Variants in C2orf66 observed in about 807,000 individuals in gnomAD.
C2orf66 encodes chromosome 2 open reading frame 66.
In C2orf66, 6 loss-of-function variants were observed where a neutral mutation model predicts 7.0. The ratio of observed to expected loss-of-function variants is 0.86; its 90% CI spans 0.47 to 1.69. The LOEUF is 1.69. Among genes scored for constraint, C2orf66 ranks in the 40% most tolerant of loss-of-function variants. C2orf66 has a pLI of 0.01. For synonymous variants in C2orf66, 38 were observed against 43.8 expected (o/e 0.87, Z 0.52); for missense variants, 107 against 112.0 (o/e 0.96, Z 0.20).
intron 2 of C2orf66, 125 bp downstream of exon 2, chr2:196,807,299 G>A (rs1699828842): frequency 1.2e-5 from 7 of 607,032 alleles, no homozygotes; most frequent in Non-Finnish European, 2.0e-5. Flanking sequence ...ATGAGTATAA[G>A]CAGAACTGAG....
intron 1 of C2orf66, among the ~76,000 whole-genome samples, chr2:196,808,990 A>C (rs1392991716): frequency 6.6e-6 from 1 of 152,240 alleles, no homozygotes; most frequent in East Asian, 1.9e-4. Context: ...ATTGTTTCTA[A>C]ATATAAATTT....
chr2:196,809,540 G>T, upstream of C2orf66: 1 of 583,988 alleles, frequency 1.7e-6, no homozygotes, highest in Non-Finnish European at 3.0e-6. Context: ...CAACTGATTA[G>T]CTTAAAGTAG....
the C2orf66 span, among the ~76,000 whole-genome samples, chr2:196,817,943 T>C: frequency 4.6e-5 from 7 of 152,202 alleles, no homozygotes; most frequent in African/African-American, 7.2e-5. Context: ...TCAAGGTGCA[T>C]TGATTTCATA....
chr2:196,821,174 A>G, the C2orf66 span, among the ~76,000 whole-genome samples: 1 of 152,248 alleles, frequency 6.6e-6, no homozygotes, highest in Non-Finnish European at 1.5e-5. Context: ...AGAAGCTGGA[A>G]GAGGAAGGGA....
the C2orf66 span, among the ~76,000 whole-genome samples, chr2:196,822,001 C>T: frequency 2.9e-5 from 4 of 138,422 alleles, no homozygotes; most frequent in South Asian, 2.3e-4. Context: ...CTGCAACCTC[C>T]GCTCCTGGAT....
chr2:196,830,642 G>A, the C2orf66 span, among the ~76,000 whole-genome samples: 3 of 152,296 alleles, frequency 2.0e-5, no homozygotes, highest in Admixed American at 6.5e-5. Flanking sequence ...TTGCGTAAGC[G>A]TGAACATGCT....
the C2orf66 span, among the ~76,000 whole-genome samples, chr2:196,824,951 G>A: frequency 6.6e-6 from 1 of 151,990 alleles, no homozygotes; most frequent in African/African-American, 2.4e-5. Flanking sequence ...ATGGGTAAAG[G>A]GGCTGAGCAT....
chr2:196,807,758 T>A (rs564787000), intron 1 of C2orf66, 136 bp from the exon 2 acceptor site: 2 of 689,870 alleles, frequency 2.9e-6, no homozygotes, highest in Non-Finnish European at 4.9e-6. Flanking sequence ...AATCTAGAAA[T>A]ACAAGTACAT....
intron 2 of C2orf66, among the ~76,000 whole-genome samples, chr2:196,806,620 G>A (rs1010072124): frequency 1.3e-5 from 2 of 151,738 alleles, no homozygotes; most frequent in Admixed American, 6.6e-5. Flanking sequence ...GGAGGCTGAG[G>A]CAGGTGGATC....
upstream of C2orf66, among the ~76,000 whole-genome samples, chr2:196,811,682 G>C (rs1180512019): frequency 1.3e-5 from 2 of 152,156 alleles, no homozygotes; most frequent in African/African-American, 4.8e-5. Context: ...CGTGGGGTTG[G>C]AGAGTATGCA....
chr2:196,805,479 A>G (rs1368411151), intron 2 of C2orf66, 71 bp from the exon 3 acceptor site: 1 of 152,168 alleles, frequency 6.6e-6, no homozygotes, highest in Non-Finnish European at 1.5e-5. Flanking sequence ...AGACCCCCAA[A>G]TCAACATATT....
the C2orf66 span, among the ~76,000 whole-genome samples, chr2:196,816,625 A>G: frequency 2.0e-5 from 3 of 152,216 alleles, no homozygotes; most frequent in Non-Finnish European, 2.9e-5. Flanking sequence ...GGGATCATTC[A>G]TATCCCAAAC....
the C2orf66 span, among the ~76,000 whole-genome samples, chr2:196,819,944 G>T: frequency 6.6e-6 from 1 of 152,124 alleles, no homozygotes; most frequent in African/African-American, 2.4e-5. Context: ...ATTAATATTT[G>T]ATCTATCTCT....
rs1224326079 is a variant in C2orf66, at chr2:196,804,995, C to T, written c.*433G>A. 1 of 152,098 alleles carries T rather than the reference C, an allele frequency of 6.6e-6. No individual in the cohort carries two copies. The highest frequency in any genetic ancestry group is 6.5e-5 in the Admixed American group (1 of 15,280). 9.4% of individuals were successfully genotyped at this position (152,098 alleles called of 1,614,324 possible). On this transcript the variant is annotated 3_prime_UTR_variant, in exon 3 of 3. Coordinates refer to ENST00000342506, the MANE Select transcript of C2orf66 (RefSeq NM_213608.3). ...AAAGGAAGACAAATTTTAAACCCAA[C>T]CCTCTATCACATATAATGAATTTTA... is the stretch of plus-strand genomic sequence containing the variant.
the C2orf66 span, among the ~76,000 whole-genome samples, chr2:196,829,068 T>G: frequency 6.6e-6 from 1 of 152,206 alleles, no homozygotes; most frequent in Non-Finnish European, 1.5e-5. Context: ...AACATATATA[T>G]GTATATATAC....
upstream of C2orf66, among the ~76,000 whole-genome samples, chr2:196,814,306 G>A (rs1169154420): frequency 1.3e-5 from 2 of 152,230 alleles, no homozygotes; most frequent in East Asian, 3.9e-4. Flanking sequence ...ATCATTCTCA[G>A]CAAACTAACA....
the C2orf66 span, among the ~76,000 whole-genome samples, chr2:196,826,956 G>A: frequency 2.0e-5 from 3 of 152,014 alleles, no homozygotes; most frequent in East Asian, 1.9e-4. Flanking sequence ...GCTTGAACCC[G>A]GTAGACGGAG....
chr2:196,829,769 C>T, the C2orf66 span, among the ~76,000 whole-genome samples: 32 of 151,750 alleles, frequency 2.1e-4, no homozygotes, highest in African/African-American at 6.5e-4. Context: ...TGGTGGCGGG[C>T]GCCTGTAGTC....
the C2orf66 span, among the ~76,000 whole-genome samples, chr2:196,817,331 T>C: frequency 1.3e-5 from 2 of 148,272 alleles, no homozygotes; most frequent in Admixed American, 6.8e-5. Flanking sequence ...GCCTCCTGGG[T>C]TCATGCCATT....
Sources: allele counts gnomAD v4.1 joint callset (sites outside exome capture counted in the v4.1 genomes callset), GRCh38; gene constraint gnomAD v4.1.1; transcripts MANE v1.5; gene names NCBI Gene and HGNC (gene_info 2026-07-23, HGNC 2026-07-21).